Variants in ATP2B2 observed in about 807,000 individuals in gnomAD.
ATP2B2 encodes the protein ATPase plasma membrane Ca2+ transporting 2.
ATP2B2 carries 15 observed loss-of-function variants against 120.0 expected under a neutral mutation model. The ratio of observed to expected loss-of-function variants is 0.12; its 90% CI spans 0.08 to 0.19. ATP2B2 has a LOEUF of 0.19. Among genes scored for constraint, ATP2B2 ranks in the 10% least tolerant of loss-of-function variants. The pLI is 1.00. For missense variants in ATP2B2, 1,045 were observed against 1,719.8 expected (o/e 0.61, Z 6.94); for synonymous variants, 694 against 700.3 (o/e 0.99, Z 0.14).
At chr3:10,689,265 G>A (rs71316414) in intron 1 of ATP2B2, among the ~76,000 whole-genome samples, 11 of 152,142 alleles carry the variant, frequency 7.2e-5, no homozygotes, top group African/African-American at 2.7e-4. Flanking sequence ...GGGCACATGA[G>A]GGTTTTGGTA....
chr3:10,610,397 C>T (rs1259729436), intron 2 of ATP2B2, among the ~76,000 whole-genome samples: 1 of 151,998 alleles, frequency 6.6e-6, no homozygotes, highest in Admixed American at 6.6e-5. Flanking sequence ...TTCAAATACA[C>T]GTGTGCCCAG....
intron 3 of ATP2B2, among the ~76,000 whole-genome samples, chr3:10,513,376 G>C (rs1456891753): frequency 1.3e-5 from 2 of 152,164 alleles, no homozygotes; most frequent in Non-Finnish European, 1.5e-5. Context: ...GGATGGCTGG[G>C]GGAAAGTGTG....
At chr3:10,538,255 T>C (rs1393325934) in intron 2 of ATP2B2, among the ~76,000 whole-genome samples, 3 of 152,160 alleles carry the variant, frequency 2.0e-5, no homozygotes, top group African/African-American at 7.2e-5. Context: ...GCAGTGAAAC[T>C]ACCTGGTCCT....
intron 1 of ATP2B2, among the ~76,000 whole-genome samples, chr3:10,505,080 C>G (rs1327004192): frequency 3.9e-5 from 6 of 152,288 alleles, no homozygotes; most frequent in African/African-American, 1.4e-4. Flanking sequence ...AGAACCTTGT[C>G]CCCTGCCACC....
chr3:10,706,562 C>A (rs2071899165), intron 1 of ATP2B2, among the ~76,000 whole-genome samples: 1 of 152,154 alleles, frequency 6.6e-6, no homozygotes, highest in South Asian at 2.1e-4. Context: ...CAGGTGCTGC[C>A]CCCTACCAGC....
In ATP2B2 at chr3:10,449,708, G is replaced by A. The variant is rs1297369799; in HGVS notation, c.-165C>T. 5.2e-6 allele frequency: 4 copies of A among 769,964 alleles called. No homozygotes were observed. The highest frequency in any genetic ancestry group is 3.4e-5 in the African/African-American group (2 of 58,366). 47.7% of individuals were successfully genotyped at this position (769,964 alleles called of 1,614,324 possible). A position where few individuals can be genotyped will look rare whatever the true frequency, so the allele number is the denominator to read the frequency against. ...GGGGTGGGGGTGGCCGAGGCGGGCTGGTGACAGTGGTGGTGAGCTCCAAGA... is the reference window on the plus strand; with the variant it reads ...GGGGTGGGGGTGGCCGAGGCGGGCTAGTGACAGTGGTGGTGAGCTCCAAGA... On this transcript the variant is annotated 5_prime_UTR_variant, in exon 2 of 23. Coordinates refer to ENST00000360273, the MANE Select transcript of ATP2B2 (RefSeq NM_001001331.4).
intron 1 of ATP2B2, among the ~76,000 whole-genome samples, chr3:10,502,677 A>G (rs749055550): frequency 6.6e-6 from 1 of 152,256 alleles, no homozygotes; most frequent in South Asian, 2.1e-4. Context: ...AAGGGACGAC[A>G]CAGCGGTCCG....
intron 2 of ATP2B2, among the ~76,000 whole-genome samples, chr3:10,535,339 G>T (rs755163721): frequency 7.9e-5 from 12 of 152,012 alleles, no homozygotes; most frequent in Non-Finnish European, 1.6e-4. Flanking sequence ...ATAAAAACCA[G>T]TCTTGTGACA....
At chr3:10,673,995 A>T (rs1005894613) in intron 1 of ATP2B2, among the ~76,000 whole-genome samples, 2 of 146,222 alleles carry the variant, frequency 1.4e-5, no homozygotes, top group African/African-American at 2.5e-5. Flanking sequence ...TGGTTTTATA[A>T]AAAAAAAAAA....
chr3:10,546,174 C>G (rs1444770758), intron 2 of ATP2B2, among the ~76,000 whole-genome samples: 3 of 152,226 alleles, frequency 2.0e-5, no homozygotes, highest in African/African-American at 7.2e-5. Flanking sequence ...AGCAGGCTCT[C>G]TGTGTGCCAG....
intron 1 of ATP2B2, among the ~76,000 whole-genome samples, chr3:10,662,307 C>A (rs2070805330): frequency 6.6e-6 from 1 of 151,816 alleles, no homozygotes; most frequent in South Asian, 2.1e-4. Flanking sequence ...AACAGGGAAC[C>A]TACAGAATGG....
intron 2 of ATP2B2, among the ~76,000 whole-genome samples, chr3:10,595,120 T>C (rs2068735468): frequency 6.6e-6 from 1 of 152,236 alleles, no homozygotes; most frequent in Non-Finnish European, 1.5e-5. Flanking sequence ...TCCAGGATGC[T>C]GACCGCAGTG....
At chr3:10,541,053 G>A (rs1272185795) in intron 2 of ATP2B2, among the ~76,000 whole-genome samples, 3 of 152,108 alleles carry the variant, frequency 2.0e-5, no homozygotes, top group Non-Finnish European at 4.4e-5. Flanking sequence ...TATGTGCAGA[G>A]TTGTTCATAG....
At chr3:10,506,738 T>G (rs2066639600), upstream of ATP2B2, among the ~76,000 whole-genome samples, 1 of 151,968 alleles carries the variant, frequency 6.6e-6, no homozygotes, top group Non-Finnish European at 1.5e-5. Flanking sequence ...GAGGGGTGCA[T>G]GGGGGACAGG....
intron 1 of ATP2B2, among the ~76,000 whole-genome samples, chr3:10,664,124 A>G (rs2070862632): frequency 6.6e-6 from 1 of 152,066 alleles, no homozygotes; most frequent in South Asian, 2.1e-4. Flanking sequence ...AGCAGAGTCT[A>G]AGAGCCAGGG....
In ATP2B2 at chr3:10,432,588, C is replaced by T. The variant is rs563241251; in HGVS notation, c.199+16757G>A. On this transcript the variant is annotated intron_variant, in intron 2 of 22. Transcript: ENST00000360273. The stretch of plus-strand genomic sequence containing the variant: ...GCTCACTTGCTCAACACTTTCCCCT[C>T]GCCTAGGTAATTAGATCTCCCAGGA... 5.3e-5 allele frequency among the ~76,000 whole-genome samples: 8 copies of T among 152,366 alleles called. No homozygotes were observed. The South Asian group carries it at 8.3e-4, about 16-fold the overall frequency.
chr3:10,379,436 G>T lies in ATP2B2; in HGVS notation c.1001-152C>A, dbSNP rs1464496572. The T allele has an allele frequency of 8.7e-6, 8 of 920,156 alleles. No homozygotes were observed. In the East Asian group the frequency reaches 1.8e-4, roughly 21 times the overall value. The allele number at this position is 920,156 out of a possible 1,614,324, so 57.0% of individuals were successfully genotyped here. A position where few individuals can be genotyped will look rare whatever the true frequency, so the allele number is the denominator to read the frequency against. ...CTGTGTGGGGATACGGGTTGGGGAGGGCCCTGAAGCAGGAGCAGGCCTGGC... is the reference window on the plus strand; with the variant it reads ...CTGTGTGGGGATACGGGTTGGGGAGTGCCCTGAAGCAGGAGCAGGCCTGGC... On this transcript the variant is annotated intron_variant, in intron 8 of 22. Coordinates refer to ENST00000360273, the MANE Select transcript of ATP2B2 (RefSeq NM_001001331.4).
rs1448426375 is a variant in ATP2B2, at chr3:10,347,055, C to T, written c.2405-918G>A. On this transcript the variant is annotated intron_variant, in intron 16 of 22. Coordinates refer to ENST00000360273, the MANE Select transcript of ATP2B2 (RefSeq NM_001001331.4). This position sits in a 1 kb window ranked among gnomAD's most constrained non-coding sequence, Gnocchi z 5.2. The stretch of plus-strand genomic sequence containing the variant: ...ACACCCATGTCTGAACCAGTTCCGT[C>T]CCCCAGCCATCCCCGGAATGTCGTT... Among the ~76,000 whole-genome samples, 1 of 152,178 alleles carries T rather than the reference C, an allele frequency of 6.6e-6. No individual in the cohort carries two copies. The highest frequency in any genetic ancestry group is 1.5e-5 in the Non-Finnish European group (1 of 68,026).
chr3:10,584,829 C>T (rs56211133), intron 2 of ATP2B2, among the ~76,000 whole-genome samples: 3,736 of 152,298 alleles, frequency 0.025, 70 homozygotes, highest in Admixed American at 0.043. Context: ...AAGCATAACA[C>T]AATTTCACCT....
Sources: gnomAD v4.1 joint callset for allele counts (sites outside exome capture counted in the v4.1 genomes callset) on GRCh38, gnomAD v4.1.1 for gene constraint, Gnocchi (gnomAD v3.1) non-coding constraint, MANE v1.5 for transcripts, NCBI Gene and HGNC (gene_info 2026-07-23, HGNC 2026-07-21) for gene names.